NPAS3: variants seen among roughly 807,000 people sequenced by gnomAD.
The protein encoded by NPAS3 is neuronal PAS domain protein 3.
In NPAS3, 14 loss-of-function variants were observed where a neutral mutation model predicts 73.1. That is an observed-to-expected ratio of 0.19 (90% CI 0.13 to 0.30). The LOEUF is 0.30. Among genes scored for constraint, NPAS3 ranks in the 10% least tolerant of loss-of-function variants. NPAS3 has a pLI of 1.00. For synonymous variants in NPAS3, 620 were observed against 541.5 expected, an observed-to-expected ratio of 1.14 and a Z score of -2.01; for missense variants, 1,096 against 1,250.0, an observed-to-expected ratio of 0.88 and a Z score of 1.86.
chr14:33,080,822 G>T (rs1401139940), intron 2 of NPAS3, among the ~76,000 whole-genome samples: 2 of 152,186 alleles, frequency 1.3e-5, no homozygotes, highest in Non-Finnish European at 2.9e-5. Context: ...TAGAGGTTTT[G>T]CAGTCTTTCA....
At chr14:33,476,011 C>T (rs1274836235) in intron 4 of NPAS3, among the ~76,000 whole-genome samples, 1 of 152,164 alleles carries the variant, frequency 6.6e-6, no homozygotes, top group South Asian at 2.1e-4. Context: ...GCCATGGCTG[C>T]GCTTTCCCTG....
intron 1 of NPAS3, among the ~76,000 whole-genome samples, chr14:33,047,864 A>G (rs2040563621): frequency 1.3e-5 from 2 of 152,270 alleles, no homozygotes; most frequent in African/African-American, 4.8e-5. Context: ...AGTTTGTGCT[A>G]GGTGTTTCTT....
intron 5 of NPAS3, among the ~76,000 whole-genome samples, chr14:33,607,485 T>G (rs2057608860): frequency 6.6e-6 from 1 of 151,940 alleles, no homozygotes; most frequent in Admixed American, 6.6e-5. Context: ...AAAAATAGAT[T>G]CAGTAGTTGT....
At chr14:33,556,725 G>C (rs965451316) in intron 4 of NPAS3, among the ~76,000 whole-genome samples, 1 of 152,190 alleles carries the variant, frequency 6.6e-6, no homozygotes, top group Middle Eastern at 3.2e-3. Flanking sequence ...ATCTGATCTT[G>C]TCTGGCCACT....
At chr14:33,414,168 A>G (rs576323976) in intron 4 of NPAS3, among the ~76,000 whole-genome samples, 2 of 152,114 alleles carry the variant, frequency 1.3e-5, no homozygotes. Flanking sequence ...TTGCAGCTAG[A>G]TAGGAAGGAA....
At chr14:33,503,739 A>G (rs1382859324) in intron 4 of NPAS3, among the ~76,000 whole-genome samples, 1 of 152,018 alleles carries the variant, frequency 6.6e-6, no homozygotes, top group Non-Finnish European at 1.5e-5. Context: ...CCCTGCCAGA[A>G]CAGATGAAGG....
At chr14:33,159,245 C>T (rs901111379) in intron 2 of NPAS3, among the ~76,000 whole-genome samples, 1 of 152,096 alleles carries the variant, frequency 6.6e-6, no homozygotes, top group African/African-American at 2.4e-5. Context: ...AGACCCACTA[C>T]CTAAAGCTAA....
At chr14:33,212,787 G>A (rs1293277196) in intron 2 of NPAS3, among the ~76,000 whole-genome samples, 1 of 152,022 alleles carries the variant, frequency 6.6e-6, no homozygotes, top group Non-Finnish European at 1.5e-5. Context: ...AAATATTACG[G>A]TATATTACAT....
chr14:33,484,144 G>A (rs2051464529), intron 4 of NPAS3, among the ~76,000 whole-genome samples: 1 of 152,138 alleles, frequency 6.6e-6, no homozygotes, highest in Admixed American at 6.6e-5. Flanking sequence ...TGGTATGTTT[G>A]AAGGCAATAG....
intron 6 of NPAS3, among the ~76,000 whole-genome samples, chr14:33,730,828 C>T (rs1214171600): frequency 6.6e-6 from 1 of 152,166 alleles, no homozygotes; most frequent in African/African-American, 2.4e-5. Context: ...CAAAATGAAC[C>T]AACACCTCTT....
chr14:33,281,025 A>G (rs1171194561), intron 3 of NPAS3, among the ~76,000 whole-genome samples: 1 of 152,192 alleles, frequency 6.6e-6, no homozygotes, highest in Non-Finnish European at 1.5e-5. Context: ...CTGTAACTGG[A>G]TTTGTGCCTC....
chr14:33,676,455 C>T, intron 6 of NPAS3, 70 bp downstream of exon 6: 1 of 1,345,402 alleles, frequency 7.4e-7, no homozygotes, highest in Non-Finnish European at 1.0e-6. Context: ...CTCAAGTTAC[C>T]CATGTGAAGA....
intron 3 of NPAS3, among the ~76,000 whole-genome samples, chr14:33,277,070 A>G (rs2041369324): frequency 6.6e-6 from 1 of 152,172 alleles, no homozygotes; most frequent in Admixed American, 6.6e-5. Flanking sequence ...ATCAAGCAGT[A>G]TAGGGTGACA....
At chr14:33,371,433 T>A (rs1200170660) in intron 4 of NPAS3, among the ~76,000 whole-genome samples, 1 of 152,158 alleles carries the variant, frequency 6.6e-6, no homozygotes, top group African/African-American at 2.4e-5. Context: ...ATTTATGGGA[T>A]CAAGCATTTT....
At chr14:33,714,726 AT>A (rs2060914101) in intron 6 of NPAS3, among the ~76,000 whole-genome samples, 1 of 152,112 alleles carries the variant, frequency 6.6e-6, no homozygotes, top group Non-Finnish European at 1.5e-5. Context: ...TTTTTTTCAC[AT>A]TTTAACATCT....
intron 4 of NPAS3, among the ~76,000 whole-genome samples, chr14:33,531,270 G>T (rs566631202): frequency 6.6e-6 from 1 of 151,896 alleles, no homozygotes; most frequent in East Asian, 1.9e-4. Context: ...AAATTTTAAC[G>T]TGTTTAAATT....
At position 33,542,115 on chromosome 14, in the gene NPAS3, G is replaced by T. The variant is rs2054549685; in HGVS notation, c.469-18006G>T. ...ATATTTGGCTGCAAATTTCAGTTTT[G>T]CTGGCCAGAAACTCTTCATGGCTTT... On this transcript the variant is annotated intron_variant, in intron 4 of 11. Coordinates refer to ENST00000356141, the Ensembl canonical transcript of NPAS3. 2.6e-5 allele frequency among the ~76,000 whole-genome samples: 4 copies of T among 152,130 alleles called. No homozygotes were observed. In the South Asian group the frequency reaches 6.2e-4, roughly 24 times the overall value.
intron 3 of NPAS3, among the ~76,000 whole-genome samples, chr14:33,300,496 AT>A (rs774778757): frequency 6.6e-6 from 1 of 152,232 alleles, no homozygotes; most frequent in Non-Finnish European, 1.5e-5. Context: ...TGCTTGAAGC[AT>A]GCAAAGTGTA....
intron 2 of NPAS3, among the ~76,000 whole-genome samples, chr14:33,154,945 A>G (rs1331330340): frequency 6.6e-6 from 1 of 152,162 alleles, no homozygotes; most frequent in African/African-American, 2.4e-5. Flanking sequence ...AAAGATTTCC[A>G]TGTTTCTATA....
Sources: allele counts gnomAD v4.1 joint callset (sites outside exome capture counted in the v4.1 genomes callset), GRCh38; gene constraint gnomAD v4.1.1; transcripts MANE v1.5; gene names NCBI Gene and HGNC (gene_info 2026-07-23, HGNC 2026-07-21).